Variants in AP2B1 observed in about 807,000 individuals in gnomAD.
The protein encoded by AP2B1 is adaptor related protein complex 2 subunit beta 1.
Under a neutral mutation model 102.0 loss-of-function variants are expected in AP2B1, and 23 were observed. That is an observed-to-expected ratio of 0.23 (90% CI 0.16 to 0.32). The LOEUF is 0.32. Ranked by LOEUF, AP2B1 falls within the 10% of genes least tolerant of loss-of-function variation. The probability of loss-of-function intolerance (pLI) is 1.00; values close to 1 mark genes in which losing one functional copy is unlikely to be tolerated. For missense variants in AP2B1, 541 were observed against 1,157.4 expected, an observed-to-expected ratio of 0.47 and a Z score of 7.73; for synonymous variants, 381 against 421.2, an observed-to-expected ratio of 0.90 and a Z score of 1.17.
intron 18 of AP2B1, among the ~76,000 whole-genome samples, chr17:35,688,857 A>G (rs7217533): frequency 0.87 from 132,363 of 152,108 alleles, 58,003 homozygotes; most frequent in African/African-American, 0.97. Context: ...CCAGCTAATC[A>G]GGAAGCTGAA....
At chr17:35,589,909 CT>C (rs1283322364) in intron 1 of AP2B1, among the ~76,000 whole-genome samples, 1 of 145,448 alleles carries the variant, frequency 6.9e-6, no homozygotes, top group East Asian at 2.0e-4. Context: ...ATTTTGTTTA[CT>C]TTTTCTGTAA....
rs151306384 is a variant in AP2B1, at chr17:35,604,297, C to T, written c.144-1408C>T. On this transcript the variant is annotated intron_variant, in intron 3 of 21. Coordinates refer to ENST00000610402, the MANE Select transcript of AP2B1 (RefSeq NM_001030006.2). ...TAATTTTTAAAATTATTTATAGAGA[C>T]GAGGTCTCACTATGTTGCCCAGGCT... Among the ~76,000 whole-genome samples the T allele has an allele frequency of 5.3e-5, 8 of 151,986 alleles. No homozygotes were observed. The East Asian group carries it at 1.4e-3, about 26-fold the overall frequency.
At chr17:35,621,298 T>G (rs1695000866) in intron 5 of AP2B1, 3 of 985,260 alleles carry the variant, frequency 3.0e-6, no homozygotes, top group Middle Eastern at 5.2e-4. Flanking sequence ...CTGATTTATT[T>G]TAAGTTTTCA....
At chr17:35,699,607 T>C (rs1463273356) in intron 18 of AP2B1, among the ~76,000 whole-genome samples, 1 of 152,250 alleles carries the variant, frequency 6.6e-6, no homozygotes. Flanking sequence ...GAATTAGCAC[T>C]GGAAGGAAAG....
chr17:35,616,356 C>T (rs190783795), intron 5 of AP2B1, among the ~76,000 whole-genome samples: 38 of 151,344 alleles, frequency 2.5e-4, no homozygotes, highest in African/African-American at 9.2e-4. Context: ...TTAGTAGAGA[C>T]GGGGGGTTTC....
intron 10 of AP2B1, among the ~76,000 whole-genome samples, chr17:35,638,135 C>T (rs946839252): frequency 1.5e-4 from 23 of 152,060 alleles, no homozygotes; most frequent in African/African-American, 4.6e-4. Flanking sequence ...CCACTGTGCC[C>T]GACATTTAAA....
At chr17:35,711,445 A>C in intron 20 of AP2B1, among the ~76,000 whole-genome samples, 1 of 151,184 alleles carries the variant, frequency 6.6e-6, no homozygotes, top group East Asian at 1.9e-4. Context: ...ACACAAAATA[A>C]TGCCTTCTCA....
chr17:35,656,901 T>TCAACTCTC (rs1459826691), intron 13 of AP2B1, among the ~76,000 whole-genome samples: 134 of 123,956 alleles, frequency 1.1e-3, no homozygotes, highest in African/African-American at 3.9e-3. Flanking sequence ...AAAAAAAAAA[T>TCAACTCTC]CAACTCTCCA....
In AP2B1 at chr17:35,709,245, G is replaced by A; in HGVS notation, c.2476G>A (p.Asp826Asn). The A allele has an allele frequency of 6.2e-7, 1 of 1,614,044 alleles. No individual in the cohort carries two copies. The highest frequency in any genetic ancestry group is 1.3e-5 in the African/African-American group (1 of 74,982). ...GCAGGTGGCTGTGAAAAACAATATC[G>A]ATGTCTTCTACTTCAGCTGCCTCAT... ...NLQVAVKNNIDVFYFSCLIPL... is the reference protein window; with the variant it reads ...NLQVAVKNNINVFYFSCLIPL... The change falls in exon 19 of 22, where the codon GAT becomes AAT. Residue 826 changes from aspartate (D) to asparagine (N), a missense_variant. Asp to Asn is a conservative substitution (Grantham distance 23, BLOSUM62 1). Transcript: ENST00000610402.
Position 35,650,838 on chromosome 17 carries a change from C to T in AP2B1, c.1796+49C>T, listed in dbSNP as rs775095654. Reference sequence around the variant, plus strand: ...GAGTGAGAAATGACTCTTGTTTAGACAGCGTTGCTCTTCTTTATGCTTTTA... The same window carrying T: ...GAGTGAGAAATGACTCTTGTTTAGATAGCGTTGCTCTTCTTTATGCTTTTA... On this transcript the variant is annotated intron_variant, in intron 13 of 21. Transcript: ENST00000610402. The T allele has an allele frequency of 8.2e-6, 13 of 1,580,954 alleles. No individual in the cohort carries two copies. The South Asian group carries it at 1.1e-4, about 14-fold the overall frequency.
At chr17:35,657,473 CAG>C (rs1367952009) in intron 13 of AP2B1, 124 bp from the exon 14 acceptor site, 9 of 619,248 alleles carry the variant, frequency 1.5e-5, no homozygotes, top group Non-Finnish European at 1.3e-5. Context: ...GTTATAAAAT[CAG>C]AGAGTTTTTC....
chr17:35,611,923 A>G (rs2073878147), intron 5 of AP2B1, among the ~76,000 whole-genome samples: 1 of 152,208 alleles, frequency 6.6e-6, no homozygotes, highest in Non-Finnish European at 1.5e-5. Flanking sequence ...TTAATTTTTA[A>G]CCTGTTTTTA....
intron 14 of AP2B1, among the ~76,000 whole-genome samples, chr17:35,658,816 G>C (rs928793103): frequency 1.3e-5 from 2 of 152,174 alleles, no homozygotes; most frequent in African/African-American, 2.4e-5. Context: ...GGAGTTTTAT[G>C]TCTGGGATTT....
chr17:35,718,921 G>A (rs1362285720), intron 21 of AP2B1, among the ~76,000 whole-genome samples: 1 of 152,172 alleles, frequency 6.6e-6, no homozygotes, highest in East Asian at 1.9e-4. Flanking sequence ...TCAAGATCAT[G>A]TAATTTGTTG....
intron 18 of AP2B1, among the ~76,000 whole-genome samples, chr17:35,688,745 C>T (rs1238004040): frequency 6.6e-6 from 1 of 152,166 alleles, no homozygotes; most frequent in African/African-American, 2.4e-5. Context: ...GGGCGGATCA[C>T]TTAAGGCCAG....
In AP2B1 at chr17:35,724,612, G is replaced by A. The variant is rs2085488803; in HGVS notation, c.*913G>A. ...TCAAATCTAAAATTCTACTTTTAGA[G>A]TTGAAACAGAGTAATAACTTATCTA... is the stretch of plus-strand genomic sequence containing the variant. On this transcript the variant is annotated 3_prime_UTR_variant, in exon 22 of 22. Coordinates refer to ENST00000610402, the MANE Select transcript of AP2B1 (RefSeq NM_001030006.2). 6.6e-6 allele frequency: 1 copy of A among 152,156 alleles called. No homozygotes were observed. Among genetic ancestry groups the A allele is most frequent in the Non-Finnish European group, 1.5e-5 (1 of 68,038 alleles). The allele number at this position is 152,156 out of a possible 1,614,324, so 9.4% of individuals were successfully genotyped here. A position where few individuals can be genotyped will look rare whatever the true frequency, so the allele number is the denominator to read the frequency against.
At chr17:35,657,167 GAC>G (rs2075250256) in intron 13 of AP2B1, among the ~76,000 whole-genome samples, 1 of 152,112 alleles carries the variant, frequency 6.6e-6, no homozygotes, top group South Asian at 2.1e-4. Context: ...CAATTATGCA[GAC>G]ACACAATACA....
At position 35,657,627 on chromosome 17, in the gene AP2B1, A is replaced by T. The variant is rs2075263170; in HGVS notation, c.1825A>T (p.Thr609Ser). 6.2e-7 allele frequency: 1 copy of T among 1,613,936 alleles called. No homozygotes were observed. Among genetic ancestry groups the T allele is most frequent in the Non-Finnish European group, 8.5e-7 (1 of 1,179,856 alleles). ...TGATGCAGGTGACAGCCCTGTTGGC[A>T]CTACCACTGCAACGAACCTGGAACA... is the stretch of plus-strand genomic sequence containing the variant. ...STDAGDSPVG[T>S]TTATNLEQPQ... is the part of the protein sequence containing the mutation. Residue 609 changes from threonine to serine, a missense_variant, in exon 14 of 22, where the codon ACT becomes TCT. Around this residue, in one of 10 missense-constraint regions of AP2B1, gnomAD observed 39 missense variants for 42.0 expected, o/e 0.93. Transcript: ENST00000610402.
rs373679511 is a variant in AP2B1 at position 35,608,237 on chromosome 17, G to A, written c.375G>A (p.Pro125=). The A allele has an allele frequency of 8.3e-5, 134 of 1,614,012 alleles. No homozygotes were observed. Among genetic ancestry groups the A allele is most frequent in the Non-Finnish European group, 1.0e-4 (122 of 1,180,044 alleles). The change falls in exon 5 of 22, where the codon CCG becomes CCA. Residue 125 remains proline, a synonymous_variant. Coordinates refer to ENST00000610402, the MANE Select transcript of AP2B1 (RefSeq NM_001030006.2). ...VDKITEYLCE[P]LRKCLKDEDP... is the part of the protein sequence containing the mutation. ...AAATTACAGAATATCTCTGTGAGCC[G>A]CTCCGCAAGTGCTTGAAGGATGAGG...
Sources: gnomAD v4.1 joint callset for allele counts (sites outside exome capture counted in the v4.1 genomes callset) on GRCh38, gnomAD v4.1.1 for gene constraint, gnomAD v4.1.1 regional missense constraint, MANE v1.5 for transcripts, NCBI Gene and HGNC (gene_info 2026-07-23, HGNC 2026-07-21) for gene names.